The following PMM2 variants were observed in gnomAD, a reference collection of about 807,000 sequenced individuals.
PMM2 encodes mannose-6-phosphate isomerase.
In PMM2, 35 loss-of-function variants were observed where a neutral mutation model predicts 33.2. That is an observed-to-expected ratio of 1.06 (90% CI 0.81 to 1.40). The LOEUF is 1.40. Among genes scored for constraint, PMM2 ranks in the 40% most tolerant of loss-of-function variants. PMM2 has a pLI of 0.00. For synonymous variants in PMM2, 153 were observed against 114.7 expected (o/e 1.33, Z -2.13); for missense variants, 386 against 306.0 (o/e 1.26, Z -1.95).
intron 7 of PMM2, among the ~76,000 whole-genome samples, chr16:8,819,283 C>G (rs1265548261): frequency 4.6e-5 from 7 of 152,174 alleles, no homozygotes; most frequent in Non-Finnish European, 1.0e-4. Flanking sequence ...ATCTCTAGGG[C>G]TTTTTGTTAG....
intron 7 of PMM2, among the ~76,000 whole-genome samples, chr16:8,837,070 G>A (rs2047402358): frequency 6.6e-6 from 1 of 151,882 alleles, no homozygotes; most frequent in Non-Finnish European, 1.5e-5. Context: ...GAGGAGGAGA[G>A]GTCAGATGGG....
At chr16:8,839,548 G>C (rs2060875640) in intron 7 of PMM2, among the ~76,000 whole-genome samples, 1 of 152,028 alleles carries the variant, frequency 6.6e-6, no homozygotes, top group African/African-American at 2.4e-5. Flanking sequence ...AACAAGAGGA[G>C]GGCCTGGGAG....
intron 7 of PMM2, among the ~76,000 whole-genome samples, chr16:8,841,609 G>C (rs906308849): frequency 2.7e-5 from 4 of 147,468 alleles, no homozygotes; most frequent in African/African-American, 1.0e-4. Flanking sequence ...AGGCGGGCTA[G>C]TGGCTTGTAC....
chr16:8,824,612 T>C (rs1262337478), intron 7 of PMM2, among the ~76,000 whole-genome samples: 1 of 152,106 alleles, frequency 6.6e-6, no homozygotes, highest in African/African-American at 2.4e-5. Flanking sequence ...TACATAATTT[T>C]AATACACCAA....
chr16:8,816,900 A>G (rs2060711517), intron 7 of PMM2, among the ~76,000 whole-genome samples: 1 of 152,164 alleles, frequency 6.6e-6, no homozygotes, highest in Non-Finnish European at 1.5e-5. Context: ...CCACTTAGAG[A>G]TATATATCCA....
At chr16:8,823,812 C>A (rs73494585) in intron 7 of PMM2, among the ~76,000 whole-genome samples, 3,545 of 152,246 alleles carry the variant, frequency 0.023, 133 homozygotes, top group African/African-American at 0.08. Flanking sequence ...GTTCAGGAAC[C>A]CCGTACAGGG....
At chr16:8,825,249 T>C (rs2060760186) in intron 7 of PMM2, among the ~76,000 whole-genome samples, 1 of 152,094 alleles carries the variant, frequency 6.6e-6, no homozygotes, top group Non-Finnish European at 1.5e-5. Flanking sequence ...GCCAGGATGG[T>C]CTTGATCTCC....
chr16:8,804,232 G>T (rs1003574511), intron 2 of PMM2, among the ~76,000 whole-genome samples: 3 of 151,344 alleles, frequency 2.0e-5, no homozygotes. Flanking sequence ...TAGAGACGGG[G>T]GTTTCACTAT....
At position 8,838,861 on chromosome 16, in the gene PMM2, T is replaced by C. The variant is rs184430433; in HGVS notation, c.640-8863T>C. On this transcript the variant is annotated intron_variant, in intron 7 of 7. Coordinates refer to ENST00000268261, the MANE Select transcript of PMM2 (RefSeq NM_000303.3). ...TTATGTTGTCATACATCAGGCCAGA[T>C]TGATTTAGGTAAAAACAACACTCTT... Among the ~76,000 whole-genome samples, 7 of 152,044 alleles carry C rather than the reference T, an allele frequency of 4.6e-5. No individual in the cohort carries two copies. In the East Asian group the frequency reaches 1.2e-3, roughly 25 times the overall value.
At chr16:8,801,618 GCTA>G in intron 1 of PMM2, among the ~76,000 whole-genome samples, 178 bp from the exon 2 acceptor site, 1 of 152,254 alleles carries the variant, frequency 6.6e-6, no homozygotes, top group South Asian at 2.1e-4. Context: ...GCTGCGATGA[GCTA>G]TGACCATGCC....
chr16:8,833,494 AAAAT>A (rs1483432822), intron 7 of PMM2, among the ~76,000 whole-genome samples: 2 of 152,110 alleles, frequency 1.3e-5, no homozygotes, highest in African/African-American at 4.8e-5. Flanking sequence ...ATTAATAAGA[AAAAT>A]AAAATAGTGT....
At chr16:8,801,380 T>C (rs2060615409) in intron 1 of PMM2, among the ~76,000 whole-genome samples, 1 of 152,184 alleles carries the variant, frequency 6.6e-6, no homozygotes, top group Non-Finnish European at 1.5e-5. Flanking sequence ...TTGGCATGTA[T>C]GAAAATAAGG....
chr16:8,799,095 T>C lies in PMM2; in HGVS notation c.66+1147T>C, dbSNP rs536967229. On this transcript the variant is annotated intron_variant, in intron 1 of 7. Coordinates refer to ENST00000268261, the MANE Select transcript of PMM2 (RefSeq NM_000303.3). ...TTGTAAAGGGCCATATAGCAAATAC[T>C]TCTCTGTCTTTGCTGACTATGTGGT... 2.8e-4 allele frequency among the ~76,000 whole-genome samples: 42 copies of C among 152,336 alleles called. 1 individual carries two copies. Among genetic ancestry groups the C allele is most frequent in the Middle Eastern group, 6.8e-3 (2 of 294 alleles).
At position 8,803,784 on chromosome 16, in the gene PMM2, A is replaced by C. The variant is rs192507551; in HGVS notation, c.179-983A>C. On this transcript the variant is annotated intron_variant, in intron 2 of 7. Coordinates refer to ENST00000268261, the MANE Select transcript of PMM2 (RefSeq NM_000303.3). The stretch of plus-strand genomic sequence containing the variant: ...CTGTAACCTCTGCGTCCTGGGTTCA[A>C]GTGATTCGTGTGCCTCAGCCTCCGA... Among the ~76,000 whole-genome samples, 383 of 151,778 alleles carry C rather than the reference A, an allele frequency of 2.5e-3. 3 individuals are homozygous for C. Among genetic ancestry groups the C allele is most frequent in the African/African-American group, 8.9e-3 (367 of 41,376 alleles).
At chr16:8,820,048 A>C (rs1162716765) in intron 7 of PMM2, among the ~76,000 whole-genome samples, 1 of 152,210 alleles carries the variant, frequency 6.6e-6, no homozygotes. Flanking sequence ...AAATACAAAA[A>C]TTAGCTGGGC....
In PMM2 at chr16:8,827,115, G is replaced by T. The variant is rs138862906; in HGVS notation, c.639+14009G>T. On this transcript the variant is annotated intron_variant, in intron 7 of 7. Transcript: ENST00000268261. ...AGAACAGAGCCTTAGATTTTGAGAG[G>T]GGTCTGTCTGCTTACACTTCTTGGG... Among the ~76,000 whole-genome samples the T allele has an allele frequency of 5.3e-3, 807 of 152,200 alleles. 11 individuals are homozygous for T. The highest frequency in any genetic ancestry group is 0.018 in the African/African-American group (766 of 41,522).
Position 8,849,078 on chromosome 16 carries a change from G to C in PMM2, c.*1253G>C, listed in dbSNP as rs191099797. 6 of 152,268 alleles carry C rather than the reference G, an allele frequency of 3.9e-5. No homozygotes were observed. Among genetic ancestry groups the C allele is most frequent in the African/African-American group, 1.4e-4 (6 of 41,430 alleles). 9.4% of individuals were successfully genotyped at this position (152,268 alleles called of 1,614,324 possible). A position where few individuals can be genotyped will look rare whatever the true frequency, so the allele number is the denominator to read the frequency against. On this transcript the variant is annotated 3_prime_UTR_variant, in exon 8 of 8. Transcript: ENST00000268261. ...CTGAGTCTGGGGCCAGGGGAGCCCA[G>C]GCTGCCCTGCACTCCTGCCTCCCAG...
chr16:8,847,128 T>C (rs2060931111), intron 7 of PMM2, among the ~76,000 whole-genome samples: 1 of 152,056 alleles, frequency 6.6e-6, no homozygotes, highest in Non-Finnish European at 1.5e-5. Flanking sequence ...CCTCCCAAAG[T>C]GCTGGGATTA....
intron 7 of PMM2, among the ~76,000 whole-genome samples, chr16:8,846,266 T>G (rs1199310546): frequency 6.6e-6 from 1 of 152,206 alleles, no homozygotes; most frequent in African/African-American, 2.4e-5. Flanking sequence ...AGGCAATTAA[T>G]TCTTTTAAAG....
Sources: allele counts gnomAD v4.1 joint callset (sites outside exome capture counted in the v4.1 genomes callset), GRCh38; gene constraint gnomAD v4.1.1; transcripts MANE v1.5; gene names NCBI Gene and HGNC (gene_info 2026-07-23, HGNC 2026-07-21).